The following FAM222B variants were observed in gnomAD, a reference collection of about 807,000 sequenced individuals.
FAM222B encodes the protein protein FAM222B.
A neutral mutation model predicts 38.0 loss-of-function variants in FAM222B; 12 were observed. That is an observed-to-expected ratio of 0.32 (90% CI 0.20 to 0.51). FAM222B has a LOEUF of 0.51. Ranked by LOEUF, FAM222B falls within the 20% of genes least tolerant of loss-of-function variation. The pLI is 0.97. For missense variants in FAM222B, 716 were observed against 754.2 expected (o/e 0.95, Z 0.59); for synonymous variants, 329 against 317.2 (o/e 1.04, Z -0.40).
intron 1 of FAM222B, among the ~76,000 whole-genome samples, chr17:28,773,459 A>G (rs1018107959): frequency 1.4e-4 from 20 of 145,212 alleles, no homozygotes; most frequent in African/African-American, 4.5e-4. Flanking sequence ...AACCTGGGCA[A>G]TAAGAGTGAA....
At chr17:28,822,264 C>T (rs2038253152) in intron 1 of FAM222B, among the ~76,000 whole-genome samples, 1 of 150,596 alleles carries the variant, frequency 6.6e-6, no homozygotes, top group Admixed American at 6.6e-5. Flanking sequence ...TCGTGATCCA[C>T]CCACCTCGGC....
intron 1 of FAM222B, among the ~76,000 whole-genome samples, chr17:28,778,265 G>A (rs978822167): frequency 1.3e-5 from 2 of 151,490 alleles, no homozygotes; most frequent in African/African-American, 4.9e-5. Context: ...TCCACCCACC[G>A]ACAGGTCCTG....
chr17:28,775,476 A>G (rs900650823), intron 1 of FAM222B, among the ~76,000 whole-genome samples: 1 of 146,596 alleles, frequency 6.8e-6, no homozygotes, highest in South Asian at 2.2e-4. Flanking sequence ...AAAAAAAAAA[A>G]CACAGACAAA....
At chr17:28,825,531 G>A (rs937652812) in intron 1 of FAM222B, among the ~76,000 whole-genome samples, 7 of 149,856 alleles carry the variant, frequency 4.7e-5, no homozygotes, top group Admixed American at 6.7e-5. Flanking sequence ...TTGTCATCTC[G>A]TCATTCTCTC....
intron 1 of FAM222B, among the ~76,000 whole-genome samples, chr17:28,827,422 T>C (rs1007035023): frequency 6.6e-6 from 1 of 151,732 alleles, no homozygotes; most frequent in East Asian, 1.9e-4. Context: ...ACAATCCAGA[T>C]GAGGAAACAG....
At chr17:28,775,003 ATTTTTT>A (rs34758668) in intron 1 of FAM222B, among the ~76,000 whole-genome samples, 1 of 125,590 alleles carries the variant, frequency 8.0e-6, no homozygotes, top group African/African-American at 3.0e-5. Context: ...TCTCAGCTGT[ATTTTTT>A]TTTTTTTTTT....
At chr17:28,835,840 T>C (rs1169011105) in intron 1 of FAM222B, among the ~76,000 whole-genome samples, 1 of 151,652 alleles carries the variant, frequency 6.6e-6, no homozygotes, top group Non-Finnish European at 1.5e-5. Context: ...CCCGGCTCAT[T>C]TTTTTTTATT....
chr17:28,829,378 T>C (rs1177744929), intron 1 of FAM222B, among the ~76,000 whole-genome samples: 1 of 151,604 alleles, frequency 6.6e-6, no homozygotes, highest in Non-Finnish European at 1.5e-5. Context: ...TCCATGTTGC[T>C]CAGGCTGGTC....
chr17:28,783,125 G>A lies in FAM222B; in HGVS notation c.-40-16418C>T, dbSNP rs1490267623. Among the ~76,000 whole-genome samples, 14 of 146,498 alleles carry A rather than the reference G, an allele frequency of 9.6e-5. No individual in the cohort carries two copies. The East Asian group carries it at 1.6e-3, about 17-fold the overall frequency. ...TGCACTCCAGCGTGGGTGACAGAGC[G>A]AGACCCTGTCTCAAAAAAAAAAAAA... On this transcript the variant is annotated intron_variant, in intron 1 of 2. Coordinates refer to ENST00000581407, the MANE Select transcript of FAM222B (RefSeq NM_001077498.3).
At chr17:28,825,794 G>C (rs770458610) in intron 1 of FAM222B, among the ~76,000 whole-genome samples, 1 of 151,960 alleles carries the variant, frequency 6.6e-6, no homozygotes, top group Non-Finnish European at 1.5e-5. Context: ...TTTTATTTTT[G>C]AGATGGAGTC....
chr17:28,777,759 AGAG>A (rs2151827684), intron 1 of FAM222B, among the ~76,000 whole-genome samples: 1 of 151,868 alleles, frequency 6.6e-6, no homozygotes, highest in Non-Finnish European at 1.5e-5. Context: ...GTGAGAGGAA[AGAG>A]GAGATAAAAA....
chr17:28,845,459 G>C (rs1432267845), upstream of FAM222B, among the ~76,000 whole-genome samples: 3 of 151,090 alleles, frequency 2.0e-5, no homozygotes, highest in Non-Finnish European at 2.9e-5. Flanking sequence ...GGCGCCTGTA[G>C]TCCCAGCTAC....
In FAM222B at chr17:28,825,761, T is replaced by G. The variant is rs545279445; in HGVS notation, c.-41+16921A>C. On this transcript the variant is annotated intron_variant, in intron 1 of 2. Coordinates refer to ENST00000581407, the MANE Select transcript of FAM222B (RefSeq NM_001077498.3). The stretch of plus-strand genomic sequence containing the variant: ...CTATTTTTCTGTACAGTGTTTATCA[T>G]TAACTGATTTTTATTTATTTTGTTT... Among the ~76,000 whole-genome samples, 6 of 152,302 alleles carry G rather than the reference T, an allele frequency of 3.9e-5. No homozygotes were observed. In the East Asian group the frequency reaches 1.2e-3, roughly 29 times the overall value.
At chr17:28,829,087 G>C (rs1228705578) in intron 1 of FAM222B, among the ~76,000 whole-genome samples, 1 of 151,688 alleles carries the variant, frequency 6.6e-6, no homozygotes, top group African/African-American at 2.4e-5. Context: ...TGTATTTTTA[G>C]TAGAGATGGG....
chr17:28,782,919 C>T (rs1298131930), intron 1 of FAM222B, among the ~76,000 whole-genome samples: 2 of 151,960 alleles, frequency 1.3e-5, no homozygotes, highest in Non-Finnish European at 1.5e-5. Context: ...AGGCGGATCA[C>T]GAGGTCAGGA....
intron 1 of FAM222B, among the ~76,000 whole-genome samples, chr17:28,830,322 TG>T (rs1372580507): frequency 6.6e-6 from 1 of 151,860 alleles, no homozygotes; most frequent in Non-Finnish European, 1.5e-5. Context: ...CAACCACGCC[TG>T]GCTAATTCTT....
chr17:28,844,715 A>C (rs1390128856), upstream of FAM222B, among the ~76,000 whole-genome samples: 1 of 152,016 alleles, frequency 6.6e-6, no homozygotes, highest in Non-Finnish European at 1.5e-5. Context: ...TGTAATCCCA[A>C]CATTTTGGGA....
At chr17:28,773,176 T>C (rs569115326) in intron 1 of FAM222B, among the ~76,000 whole-genome samples, 3 of 152,066 alleles carry the variant, frequency 2.0e-5, no homozygotes, top group African/African-American at 7.2e-5. Flanking sequence ...ATCCTTGCTT[T>C]AAGAATTCTG....
intron 1 of FAM222B, among the ~76,000 whole-genome samples, chr17:28,801,898 C>T (rs2037248075): frequency 6.6e-6 from 1 of 151,948 alleles, no homozygotes; most frequent in African/African-American, 2.4e-5. Context: ...TTATGCTTCT[C>T]CTTTGAAGCA....
Sources: gnomAD v4.1 joint callset for allele counts (sites outside exome capture counted in the v4.1 genomes callset) on GRCh38, gnomAD v4.1.1 for gene constraint, MANE v1.5 for transcripts, NCBI Gene and HGNC (gene_info 2026-07-23, HGNC 2026-07-21) for gene names.